DNAJB4: variants seen among roughly 807,000 people sequenced by gnomAD.
DNAJB4 encodes the protein dnaJ homolog subfamily B member 4.
A neutral mutation model predicts 26.6 loss-of-function variants in DNAJB4; 10 were observed. That is an observed-to-expected ratio of 0.38 (90% CI 0.23 to 0.64). The LOEUF (loss-of-function observed/expected upper bound fraction) is 0.64, where lower values mean the gene tolerates loss of function less well. DNAJB4 is among the 30% of genes least tolerant of loss of function. The probability of loss-of-function intolerance (pLI) is 0.58; values close to 1 mark genes in which losing one functional copy is unlikely to be tolerated. For synonymous variants in DNAJB4, 136 were observed against 134.8 expected, an observed-to-expected ratio of 1.01 and a Z score of -0.06; for missense variants, 328 against 408.2, an observed-to-expected ratio of 0.80 and a Z score of 1.69.
upstream of DNAJB4, among the ~76,000 whole-genome samples, chr1:78,002,786 A>G (rs1660222753): frequency 6.6e-6 from 1 of 152,178 alleles, no homozygotes; most frequent in Non-Finnish European, 1.5e-5. Context: ...GTTGAGGTGA[A>G]TTCTTGCTTT....
chr1:78,013,699 CATTT>C (rs1257570079), intron 2 of DNAJB4, 80 bp downstream of exon 2: 60 of 1,139,658 alleles, frequency 5.3e-5, no homozygotes, highest in Non-Finnish European at 7.0e-5. Flanking sequence ...TAATAGCTAA[CATTT>C]ATTTAATGCC....
chr1:78,015,630 A>G (rs1471148400), intron 2 of DNAJB4, among the ~76,000 whole-genome samples: 3 of 140,128 alleles, frequency 2.1e-5, no homozygotes, highest in Non-Finnish European at 4.6e-5. Context: ...GCTCACTGCA[A>G]CCTCCGCCTG....
chr1:77,987,688 T>C (rs1487417898), intron 1 of DNAJB4, among the ~76,000 whole-genome samples: 1 of 152,154 alleles, frequency 6.6e-6, no homozygotes, highest in Non-Finnish European at 1.5e-5. Flanking sequence ...TTATTGGTTT[T>C]TCCTCACATT....
At position 78,005,061 on chromosome 1, in the gene DNAJB4, G is replaced by A; in HGVS notation, c.-50G>A. 1 of 1,557,722 alleles carries A rather than the reference G, an allele frequency of 6.4e-7. No individual in the cohort carries two copies. Among genetic ancestry groups the A allele is most frequent in the Non-Finnish European group, 8.8e-7 (1 of 1,141,156 alleles). ...AGAATCTGTTGCTAAGACTGGGGAC[G>A]CTGTTTTCTTTTACAAAGGGAAATC... On this transcript the variant is annotated 5_prime_UTR_variant, in exon 1 of 3. Transcript: ENST00000370763.
chr1:78,014,805 T>C (rs192292837), intron 2 of DNAJB4, among the ~76,000 whole-genome samples: 85 of 152,204 alleles, frequency 5.6e-4, no homozygotes, highest in Non-Finnish European at 1.0e-3. Context: ...TTCACCATGT[T>C]GGCCAGGCTC....
chr1:77,982,353 T>A (rs1659673097), intron 1 of DNAJB4, among the ~76,000 whole-genome samples: 1 of 152,234 alleles, frequency 6.6e-6, no homozygotes. Context: ...TCCTATTGGA[T>A]CATATATTTA....
At chr1:78,011,171 T>C (rs1032347657) in intron 1 of DNAJB4, among the ~76,000 whole-genome samples, 2 of 152,220 alleles carry the variant, frequency 1.3e-5, no homozygotes, top group African/African-American at 4.8e-5. Flanking sequence ...GTTTCAAATA[T>C]AATCTTTTGT....
chr1:77,985,524 C>G (rs1659771558), intron 1 of DNAJB4, among the ~76,000 whole-genome samples: 1 of 151,978 alleles, frequency 6.6e-6, no homozygotes, highest in African/African-American at 2.4e-5. Context: ...CTAATTGTAG[C>G]AATAATATAA....
chr1:78,015,401 C>T (rs1319219843), intron 2 of DNAJB4, among the ~76,000 whole-genome samples: 1 of 151,240 alleles, frequency 6.6e-6, no homozygotes, highest in African/African-American at 2.4e-5. Context: ...CATTCCAGGG[C>T]AATGTGGAAT....
intron 1 of DNAJB4, among the ~76,000 whole-genome samples, chr1:77,983,644 C>T (rs895559818): frequency 2.0e-5 from 3 of 152,202 alleles, no homozygotes; most frequent in Middle Eastern, 3.4e-3. Flanking sequence ...CATCTTGCAC[C>T]GCCCTTAATC....
intron 1 of DNAJB4, among the ~76,000 whole-genome samples, chr1:77,986,232 A>G (rs1171297493): frequency 6.6e-6 from 1 of 152,180 alleles, no homozygotes; most frequent in Non-Finnish European, 1.5e-5. Context: ...CAGATCACAT[A>G]CCACTGAATC....
chr1:77,995,385 T>C (rs1197547036), intron 1 of DNAJB4, among the ~76,000 whole-genome samples: 1 of 152,208 alleles, frequency 6.6e-6, no homozygotes, highest in African/African-American at 2.4e-5. Flanking sequence ...TAATGAAATA[T>C]TAGTTTATCA....
At position 78,016,513 on chromosome 1, in the gene DNAJB4, T is replaced by C; in HGVS notation, c.*266T>C. ...ATTTGCTTATATGTAAAAGTTGTTT[T>C]TGTGGAGTCAGTGGATATATTTCTA... is the stretch of plus-strand genomic sequence containing the variant. On this transcript the variant is annotated 3_prime_UTR_variant, in exon 3 of 3. Coordinates refer to ENST00000370763, the MANE Select transcript of DNAJB4 (RefSeq NM_007034.5). 2.3e-6 allele frequency: 1 copy of C among 428,966 alleles called. No individual in the cohort carries two copies. Among genetic ancestry groups the C allele is most frequent in the Non-Finnish European group, 4.1e-6 (1 of 241,246 alleles). The allele number at this position is 428,966 out of a possible 1,614,324, so 26.6% of individuals were successfully genotyped here. A position where few individuals can be genotyped will look rare whatever the true frequency, so the allele number is the denominator to read the frequency against.
At chr1:77,999,349 T>C (rs1660137351) in intron 1 of DNAJB4, among the ~76,000 whole-genome samples, 1 of 152,132 alleles carries the variant, frequency 6.6e-6, no homozygotes, top group African/African-American at 2.4e-5. Context: ...GAGTATCAGA[T>C]GTATGTGAGA....
chr1:77,993,860 T>C (rs1417172334), intron 1 of DNAJB4, among the ~76,000 whole-genome samples: 2 of 152,232 alleles, frequency 1.3e-5, no homozygotes, highest in African/African-American at 2.4e-5. Flanking sequence ...TAGACAATTA[T>C]AATAGTTCAA....
At chr1:78,001,002 AG>A (rs1448469808), upstream of DNAJB4, among the ~76,000 whole-genome samples, 3 of 151,188 alleles carry the variant, frequency 2.0e-5, no homozygotes, top group Admixed American at 6.6e-5. Flanking sequence ...CAAAAAAAAA[AG>A]AAATTTCAGG....
At chr1:77,981,896 T>G (rs1659657929) in intron 1 of DNAJB4, among the ~76,000 whole-genome samples, 1 of 152,204 alleles carries the variant, frequency 6.6e-6, no homozygotes, top group South Asian at 2.1e-4. Flanking sequence ...TTGATTATGA[T>G]CATGGGAGAT....
At chr1:77,992,219 C>T (rs1465208665) in intron 1 of DNAJB4, among the ~76,000 whole-genome samples, 3 of 151,202 alleles carry the variant, frequency 2.0e-5, no homozygotes, top group Non-Finnish European at 4.4e-5. Flanking sequence ...CGAGACCATC[C>T]CGGCTAAAAC....
At chr1:78,012,943 ATACAT>A (rs991471532) in intron 1 of DNAJB4, 103 bp from the exon 2 acceptor site, 11 of 914,488 alleles carry the variant, frequency 1.2e-5, no homozygotes, top group Non-Finnish European at 1.8e-5. Context: ...GCCAATATTA[ATACAT>A]TTTAATGTAA....
Sources: allele counts gnomAD v4.1 joint callset (sites outside exome capture counted in the v4.1 genomes callset), GRCh38; gene constraint gnomAD v4.1.1; transcripts MANE v1.5; gene names NCBI Gene and HGNC (gene_info 2026-07-23, HGNC 2026-07-21).